SLC25A21: variants seen among roughly 807,000 people sequenced by gnomAD.
The protein encoded by SLC25A21 is solute carrier family 25 member 21, also known as mitochondrial 2-oxodicarboxylate carrier.
A neutral mutation model predicts 43.8 loss-of-function variants in SLC25A21; 47 were observed. The observed-to-expected ratio is 1.07, with a 90% CI of 0.85 to 1.37. SLC25A21 has a LOEUF of 1.37. Among genes scored for constraint, SLC25A21 ranks in the 40% most tolerant of loss-of-function variants. The pLI is 0.00. For missense variants in SLC25A21, 352 were observed against 350.2 expected (o/e 1.00, Z -0.04); for synonymous variants, 131 against 121.3 (o/e 1.08, Z -0.52).
chr14:36,710,847 T>C (rs1883827211), intron 7 of SLC25A21, among the ~76,000 whole-genome samples: 1 of 152,198 alleles, frequency 6.6e-6, no homozygotes, highest in Non-Finnish European at 1.5e-5. Flanking sequence ...CTAATTAACC[T>C]AGATTAAAAA....
chr14:37,016,344 C>G (rs111882552), intron 1 of SLC25A21, among the ~76,000 whole-genome samples: 10,617 of 152,026 alleles, frequency 0.07, 986 homozygotes, highest in East Asian at 0.25. Flanking sequence ...TCAAAGATCA[C>G]ATAGTTGTAG....
Position 36,693,257 on chromosome 14 carries a change from A to G in SLC25A21, c.604-8332T>C, listed in dbSNP as rs1339337915. On this transcript the variant is annotated intron_variant, in intron 7 of 9. Transcript: ENST00000331299. ...AGGCACTGAATGAAAGATGGATGAG[A>G]GCGTGGTTAGAGGGATTCTCCTCTG... 2.6e-5 allele frequency among the ~76,000 whole-genome samples: 4 copies of G among 152,188 alleles called. No individual in the cohort carries two copies. The East Asian group carries it at 5.8e-4, about 22-fold the overall frequency.
intron 1 of SLC25A21, among the ~76,000 whole-genome samples, chr14:36,977,128 T>C (rs1355679092): frequency 6.6e-6 from 1 of 152,264 alleles, no homozygotes; most frequent in Admixed American, 6.5e-5. Context: ...GGCATTAATT[T>C]TTTTTCTAAC....
At chr14:37,097,274 T>C (rs1962716791) in intron 1 of SLC25A21, 2 of 151,982 alleles carry the variant, frequency 1.3e-5, no homozygotes, top group African/African-American at 4.8e-5. Context: ...CTAATTTTTG[T>C]ATTTTTAGTA....
chr14:36,813,520 C>T (rs553693939), intron 3 of SLC25A21, among the ~76,000 whole-genome samples: 1 of 152,180 alleles, frequency 6.6e-6, no homozygotes, highest in Admixed American at 6.5e-5. Context: ...TCACTGCTCC[C>T]AGCCTTGATG....
intron 2 of SLC25A21, among the ~76,000 whole-genome samples, chr14:36,857,294 G>A (rs192573406): frequency 7.9e-5 from 12 of 152,238 alleles, no homozygotes; most frequent in East Asian, 1.9e-4. Flanking sequence ...GGGAGCTGGC[G>A]AGCAACCCTC....
At chr14:37,123,647 GAATAT>G (rs779155652) in intron 1 of SLC25A21, among the ~76,000 whole-genome samples, 13 of 152,054 alleles carry the variant, frequency 8.5e-5, no homozygotes, top group Non-Finnish European at 1.8e-4. Context: ...AATATTCTTA[GAATAT>G]AATATAAAAA....
intron 1 of SLC25A21, among the ~76,000 whole-genome samples, chr14:36,948,307 T>C (rs956224883): frequency 3.9e-5 from 6 of 152,206 alleles, no homozygotes; most frequent in Non-Finnish European, 8.8e-5. Context: ...AGTTGGTATA[T>C]AGCTTTATTT....
intron 1 of SLC25A21, among the ~76,000 whole-genome samples, chr14:37,135,039 T>C (rs1963455752): frequency 6.6e-6 from 1 of 151,858 alleles, no homozygotes; most frequent in Admixed American, 6.6e-5. Flanking sequence ...GCGATTCTCC[T>C]GCCTCAGCCT....
chr14:37,160,766 C>T (rs1387118604), intron 1 of SLC25A21, among the ~76,000 whole-genome samples: 1 of 151,772 alleles, frequency 6.6e-6, no homozygotes, highest in Non-Finnish European at 1.5e-5. Context: ...CCTGTCTCTA[C>T]TAAAAATACA....
intron 2 of SLC25A21, among the ~76,000 whole-genome samples, chr14:36,831,372 C>T (rs1019689492): frequency 6.6e-6 from 1 of 152,134 alleles, no homozygotes; most frequent in South Asian, 2.1e-4. Flanking sequence ...GTACTTTGTA[C>T]TTTTAAAAAT....
At chr14:36,984,622 T>C (rs935509520) in intron 1 of SLC25A21, among the ~76,000 whole-genome samples, 12 of 152,136 alleles carry the variant, frequency 7.9e-5, no homozygotes, top group African/African-American at 2.7e-4. Context: ...AGCGTTTTGC[T>C]TTTTTGTTTC....
At chr14:36,764,151 A>AAAGAAG (rs1886296981) in intron 3 of SLC25A21, among the ~76,000 whole-genome samples, 7 of 57,622 alleles carry the variant, frequency 1.2e-4, no homozygotes, top group African/African-American at 5.7e-4. Context: ...AAGGAAAGAA[A>AAAGAAG]GAAAGAAAGA....
intron 3 of SLC25A21, among the ~76,000 whole-genome samples, chr14:36,751,164 C>T (rs1428466978): frequency 6.6e-6 from 1 of 152,194 alleles, no homozygotes; most frequent in East Asian, 1.9e-4. Context: ...CTCTGTCTAT[C>T]AAGACTAGTA....
At chr14:37,081,353 G>A (rs1218218622) in intron 1 of SLC25A21, among the ~76,000 whole-genome samples, 3 of 152,172 alleles carry the variant, frequency 2.0e-5, no homozygotes, top group Non-Finnish European at 4.4e-5. Flanking sequence ...GACACGTCAC[G>A]GAAAATGACT....
At chr14:36,697,268 T>C (rs1450784828) in intron 7 of SLC25A21, among the ~76,000 whole-genome samples, 1 of 152,224 alleles carries the variant, frequency 6.6e-6, no homozygotes, top group Non-Finnish European at 1.5e-5. Flanking sequence ...CACTGTGGTC[T>C]GAGAGACAGT....
At chr14:36,921,837 A>G (rs1891988168) in intron 1 of SLC25A21, among the ~76,000 whole-genome samples, 1 of 152,098 alleles carries the variant, frequency 6.6e-6, no homozygotes, top group South Asian at 2.1e-4. Flanking sequence ...ACTTTGATCA[A>G]AAGTTGCTTT....
chr14:37,053,762 GA>G (rs531143123), intron 1 of SLC25A21, among the ~76,000 whole-genome samples: 16 of 151,838 alleles, frequency 1.1e-4, no homozygotes, highest in African/African-American at 3.9e-4. Flanking sequence ...GAATAGATTA[GA>G]AAAAAAATGC....
intron 3 of SLC25A21, among the ~76,000 whole-genome samples, chr14:36,735,930 A>ATTTTTTT (rs776933723): frequency 0.014 from 1,162 of 84,286 alleles, 87 homozygotes; most frequent in Non-Finnish European, 0.019. Context: ...TCTGGCCACA[A>ATTTTTTT]TTTTTTTTTT....
Sources: gnomAD v4.1 joint callset for allele counts (sites outside exome capture counted in the v4.1 genomes callset) on GRCh38, gnomAD v4.1.1 for gene constraint, MANE v1.5 for transcripts, NCBI Gene and HGNC (gene_info 2026-07-23, HGNC 2026-07-21) for gene names.